Variants in OTOGL observed in about 807,000 individuals in gnomAD.
The protein encoded by OTOGL is otogelin like, also known as otogelin-like protein.
In OTOGL, 285 loss-of-function variants were observed where a neutral mutation model predicts 318.5. The observed-to-expected ratio is 0.89, with a 90% CI of 0.81 to 0.99. The LOEUF is 0.99. OTOGL is among the 50% of genes least tolerant of loss of function. The pLI, the probability that OTOGL is intolerant of heterozygous loss-of-function variation, is 0.00. For missense variants in OTOGL, 2,899 were observed against 2,845.6 expected, an observed-to-expected ratio of 1.02 and a Z score of -0.43; for synonymous variants, 987 against 936.5, an observed-to-expected ratio of 1.05 and a Z score of -0.99.
At chr12:80,197,915 G>A (rs1404725558) in intron 1 of OTOGL, among the ~76,000 whole-genome samples, 1 of 152,058 alleles carries the variant, frequency 6.6e-6, no homozygotes, top group Non-Finnish European at 1.5e-5. Flanking sequence ...TGTACAAGGG[G>A]GACATAAGTA....
chr12:80,187,076 C>G (rs1241352889), intron 1 of OTOGL, among the ~76,000 whole-genome samples: 1 of 152,092 alleles, frequency 6.6e-6, no homozygotes, highest in African/African-American at 2.4e-5. Flanking sequence ...TATGTGTAAA[C>G]TCAGAGCTGG....
chr12:80,229,978 G>A (rs186270084), intron 8 of OTOGL, among the ~76,000 whole-genome samples: 10 of 150,586 alleles, frequency 6.6e-5, no homozygotes, highest in East Asian at 5.8e-4. Flanking sequence ...GGATGTTTTC[G>A]TATTTGGTGG....
At chr12:80,302,142 C>T (rs1318320612) in intron 27 of OTOGL, among the ~76,000 whole-genome samples, 2 of 152,158 alleles carry the variant, frequency 1.3e-5, no homozygotes, top group African/African-American at 4.8e-5. Context: ...TGTCTCCTAC[C>T]AAACTTAATG....
At chr12:80,144,741 T>C (rs1185715980) in intron 1 of OTOGL, among the ~76,000 whole-genome samples, 5 of 152,162 alleles carry the variant, frequency 3.3e-5, no homozygotes, top group African/African-American at 1.2e-4. Flanking sequence ...TTATAATGAT[T>C]GCCATTCTAA....
chr12:80,140,298 AT>A (rs1871851656), intron 1 of OTOGL, among the ~76,000 whole-genome samples: 1 of 152,194 alleles, frequency 6.6e-6, no homozygotes. Flanking sequence ...ATGCAACTGC[AT>A]GTGATGTTCA....
intron 1 of OTOGL, among the ~76,000 whole-genome samples, chr12:80,155,132 G>T (rs1873033631): frequency 6.6e-6 from 1 of 152,028 alleles, no homozygotes; most frequent in South Asian, 2.1e-4. Flanking sequence ...TGAGTTGTTT[G>T]TTTTCTTGTT....
rs926303874 is a variant in OTOGL, at chr12:80,250,030, C to G, written c.1053-1663C>G. On this transcript the variant is annotated intron_variant, in intron 11 of 58. Transcript: ENST00000547103. ...GCCTCGCCCTGCTTCGGCTCGCGCA[C>G]GGTGCGCGCACCCACTGACCTGCGC... 3.3e-5 allele frequency among the ~76,000 whole-genome samples: 5 copies of G among 152,092 alleles called. No individual in the cohort carries two copies. In the East Asian group the frequency reaches 7.8e-4, roughly 24 times the overall value.
intron 1 of OTOGL, among the ~76,000 whole-genome samples, chr12:80,179,394 G>A (rs1157690352): frequency 6.6e-6 from 1 of 152,078 alleles, no homozygotes; most frequent in African/African-American, 2.4e-5. Context: ...TTTCTATAAG[G>A]CCTGTAGCCT....
At chr12:80,281,523 A>C (rs12815206) in intron 26 of OTOGL, among the ~76,000 whole-genome samples, 134,388 of 151,932 alleles carry the variant, frequency 0.88, 59,767 homozygotes, top group East Asian at 0.94. Flanking sequence ...GTTGCACCAA[A>C]CTGTCATTCC....
At chr12:80,175,169 C>T (rs1874451143) in intron 1 of OTOGL, among the ~76,000 whole-genome samples, 1 of 151,898 alleles carries the variant, frequency 6.6e-6, no homozygotes, top group Non-Finnish European at 1.5e-5. Context: ...GAAATAAAAA[C>T]AAGGATGTGT....
chr12:80,148,988 C>G (rs1872590401), intron 1 of OTOGL, among the ~76,000 whole-genome samples: 1 of 151,986 alleles, frequency 6.6e-6, no homozygotes, highest in South Asian at 2.1e-4. Flanking sequence ...ACTTGTTTGC[C>G]TTTGGTTTGA....
intron 25 of OTOGL, 75 bp downstream of exon 25, chr12:80,278,350 A>G (rs1883965341): frequency 8.3e-7 from 1 of 1,205,308 alleles, no homozygotes; most frequent in East Asian, 2.6e-5. Context: ...TATTTATTTA[A>G]TGAGACTGAC....
intron 1 of OTOGL, among the ~76,000 whole-genome samples, chr12:80,174,155 T>C (rs1874381485): frequency 6.6e-6 from 1 of 152,190 alleles, no homozygotes; most frequent in Non-Finnish European, 1.5e-5. Flanking sequence ...TTCCAACATA[T>C]GCCCAGAATT....
At chr12:80,136,197 TTCTC>T (rs1871560112) in intron 1 of OTOGL, among the ~76,000 whole-genome samples, 1 of 152,138 alleles carries the variant, frequency 6.6e-6, no homozygotes, top group Non-Finnish European at 1.5e-5. Flanking sequence ...TCTCCCTTCT[TTCTC>T]TCTTGGTCCC....
At chr12:80,331,737 G>A (rs968416816) in intron 37 of OTOGL, among the ~76,000 whole-genome samples, 25 of 152,122 alleles carry the variant, frequency 1.6e-4, no homozygotes, top group African/African-American at 5.1e-4. Flanking sequence ...ATGAATATAT[G>A]ACCTTATATG....
chr12:80,306,457 T>C lies in OTOGL; in HGVS notation c.3333+762T>C, dbSNP rs574909290. Among the ~76,000 whole-genome samples, 4 of 152,340 alleles carry C rather than the reference T, an allele frequency of 2.6e-5. No individual in the cohort carries two copies. In the East Asian group the frequency reaches 5.8e-4, roughly 22 times the overall value. On this transcript the variant is annotated intron_variant, in intron 29 of 58. Coordinates refer to ENST00000547103, the MANE Select transcript of OTOGL (RefSeq NM_001378609.3). ...TGTTCTTTTCAATTGATAAGAGTGT[T>C]TGAAACCACAATTTCCTGATTGGTT...
chr12:80,100,082 T>C (rs1369382391), intron 1 of OTOGL, among the ~76,000 whole-genome samples: 1 of 152,194 alleles, frequency 6.6e-6, no homozygotes, highest in African/African-American at 2.4e-5. Context: ...TCCCGCTTCC[T>C]CATGGTCTGG....
In OTOGL at chr12:80,352,339, C is replaced by A. The variant is rs1363717428; in HGVS notation, c.5310C>A (p.Thr1770=). The part of the protein sequence containing the change: ...DFCEKMWINY[T]YFWNYECDAL... Reference sequence around the variant, plus strand: ...GTGAAAAGATGTGGATCAATTATACCTATTTTTGGAACTATGAATGTGATG... The same window carrying A: ...GTGAAAAGATGTGGATCAATTATACATATTTTTGGAACTATGAATGTGATG... The change falls in exon 45 of 59, where the codon ACC becomes ACA. Residue 1770 remains threonine, a synonymous_variant. Coordinates refer to ENST00000547103, the MANE Select transcript of OTOGL (RefSeq NM_001378609.3). The A allele has an allele frequency of 6.2e-7, 1 of 1,612,070 alleles. No homozygotes were observed. The highest frequency in any genetic ancestry group is 8.5e-7 in the Non-Finnish European group (1 of 1,179,084).
chr12:80,290,059 G>A (rs1884931746), intron 26 of OTOGL, among the ~76,000 whole-genome samples: 1 of 152,182 alleles, frequency 6.6e-6, no homozygotes, highest in South Asian at 2.1e-4. Context: ...TGGTTTGTGG[G>A]TTGCAAAAAC....
Sources: gnomAD v4.1 joint callset for allele counts (sites outside exome capture counted in the v4.1 genomes callset) on GRCh38, gnomAD v4.1.1 for gene constraint, MANE v1.5 for transcripts, NCBI Gene and HGNC (gene_info 2026-07-23, HGNC 2026-07-21) for gene names.